The following ALKAL2 variants were observed in gnomAD, a reference collection of about 807,000 sequenced individuals.
ALKAL2 encodes ALK and LTK ligand 2, also known as AUG-alpha.
A neutral mutation model predicts 18.5 loss-of-function variants in ALKAL2; 8 were observed. That is an observed-to-expected ratio of 0.43 (90% CI 0.25 to 0.78). ALKAL2 has a LOEUF of 0.78. Ranked by LOEUF, ALKAL2 falls within the 30% of genes least tolerant of loss-of-function variation. The pLI is 0.22. For synonymous variants in ALKAL2, 135 were observed against 95.8 expected (o/e 1.41, Z -2.39); for missense variants, 241 against 211.2 (o/e 1.14, Z -0.88).
chr2:280,608 C>A (rs964633956), intron 5 of ALKAL2, among the ~76,000 whole-genome samples: 2 of 152,154 alleles, frequency 1.3e-5, no homozygotes, highest in African/African-American at 4.8e-5. Context: ...TGATAAACTT[C>A]AAGGTTACTA....
chr2:287,767 C>T lies in ALKAL2; in HGVS notation c.69G>A (p.Arg23=), dbSNP rs1558270665. The change falls in exon 2 of 6, where the codon CGG becomes CGA. Residue 23 remains arginine, a synonymous_variant. Coordinates refer to ENST00000403610, the MANE Select transcript of ALKAL2 (RefSeq NM_001002919.3). ...CCGGCTCCCGGGGCTCCGCGCCCCC[C>T]CGGCCGCGCCCCGCCGCCCCCAGCA... ...LLVLGAAGRG[R]GGAEPREPAD... 7.0e-7 allele frequency: 1 copy of T among 1,423,664 alleles called. No individual in the cohort carries two copies. Among genetic ancestry groups the T allele is most frequent in the Non-Finnish European group, 9.1e-7 (1 of 1,093,966 alleles). The allele number at this position is 1,423,664 out of a possible 1,614,324, so 88.2% of individuals were successfully genotyped here. A position where few individuals can be genotyped will look rare whatever the true frequency, so the allele number is the denominator to read the frequency against.
chr2:282,174 T>C (rs1175292041), intron 5 of ALKAL2, among the ~76,000 whole-genome samples: 3 of 152,214 alleles, frequency 2.0e-5, no homozygotes, highest in Non-Finnish European at 4.4e-5. Flanking sequence ...GTTGGGGTCA[T>C]GCACACAACC....
At chr2:283,310 A>C in intron 4 of ALKAL2, 135 bp from the exon 5 acceptor site, 2 of 1,450,358 alleles carry the variant, frequency 1.4e-6, no homozygotes, top group Non-Finnish European at 1.8e-6. Context: ...TACGGAGTCT[A>C]ATCTGCAGGC....
rs1423644716 is a variant in ALKAL2 at position 287,744 on chromosome 2, G to C, written c.92C>G (p.Pro31Arg). ...CCGCAGCAGCGCCTGTCCGTCCGCC[G>C]GCTCCCGGGGCTCCGCGCCCCCCCG... ...RGRGGAEPREPADGQALLRLV... is the reference protein window; with the variant it reads ...RGRGGAEPRERADGQALLRLV... The change falls in exon 2 of 6, where the codon CCG (proline) becomes CGG (arginine). Residue 31 changes from proline (P) to arginine (R), a missense_variant. By Grantham distance (103) the Pro-to-Arg change is moderately radical. Transcript: ENST00000403610. 39 of 1,450,278 alleles carry C rather than the reference G, an allele frequency of 2.7e-5. No homozygotes were observed. Among genetic ancestry groups the C allele is most frequent in the Non-Finnish European group, 3.4e-5 (38 of 1,105,448 alleles). The allele number at this position is 1,450,278 out of a possible 1,614,324, so 89.8% of individuals were successfully genotyped here.
chr2:287,496 A>T, intron 2 of ALKAL2, 87 bp downstream of exon 2: 1 of 911,568 alleles, frequency 1.1e-6, no homozygotes, highest in Non-Finnish European at 1.5e-6. Context: ...AGTGGTCAAA[A>T]TTGATGTCTC....
At chr2:286,464 A>G (rs1670511962) in intron 2 of ALKAL2, 121 bp from the exon 3 acceptor site, 6 of 690,148 alleles carry the variant, frequency 8.7e-6, no homozygotes, top group South Asian at 3.9e-5. Context: ...TGCACAAAAT[A>G]AAAAAGACTG....
intron 4 of ALKAL2, among the ~76,000 whole-genome samples, chr2:283,845 T>C (rs1034513926): frequency 2.6e-5 from 4 of 152,202 alleles, no homozygotes; most frequent in Non-Finnish European, 5.9e-5. Context: ...TTACAGTTTA[T>C]TTCTCAATAA....
rs908760692 is a variant in ALKAL2, at chr2:287,663, C to G, written c.173G>C (p.Gly58Ala). The G allele has an allele frequency of 2.0e-5, 29 of 1,484,648 alleles. No homozygotes were observed. The highest frequency in any genetic ancestry group is 2.5e-5 in the Non-Finnish European group (28 of 1,123,994). The allele number at this position is 1,484,648 out of a possible 1,614,324, so 92.0% of individuals were successfully genotyped here. The change falls in exon 2 of 6, where the codon GGC (glycine) becomes GCC (alanine). Residue 58 changes from glycine to alanine, a missense_variant. Gly to Ala is a moderately conservative substitution (Grantham distance 60). Transcript: ENST00000403610. ...LRKHHSAEHK[G>A]LQLLGRDCAL... ...GCAGTCCCGCCCGAGGAGCTGCAGG[C>G]CCTTGTGCTCCGCCGAGTGGTGCTT... is the stretch of plus-strand genomic sequence containing the variant.
intron 4 of ALKAL2, among the ~76,000 whole-genome samples, chr2:285,226 A>G (rs1191765784): frequency 3.3e-5 from 5 of 152,234 alleles, no homozygotes; most frequent in African/African-American, 4.8e-5. Flanking sequence ...AATGATGGTT[A>G]TTATTATTTG....
intron 2 of ALKAL2, chr2:287,035 A>G (rs1670533416): frequency 6.6e-6 from 1 of 152,266 alleles, no homozygotes; most frequent in African/African-American, 2.4e-5. Context: ...TCCCCCGTTC[A>G]GGGCTCCTGG....
At chr2:280,413 A>G (rs1670303833) in intron 5 of ALKAL2, among the ~76,000 whole-genome samples, 1 of 152,240 alleles carries the variant, frequency 6.6e-6, no homozygotes, top group Non-Finnish European at 1.5e-5. Flanking sequence ...TACAGCTTGA[A>G]GAGTGCTTAG....
rs1352184620 is a variant in ALKAL2 at position 287,891 on chromosome 2, C to T, written c.-56G>A. On this transcript the variant is annotated splice_region_variant and 5_prime_UTR_variant, in exon 2 of 6. Transcript: ENST00000403610. ...TCCGACACGCGCCGAGAGCTGGGCT[C>T]GCTGCGAGAGAAGGGGCGCGGGGGG... 3.2e-6 allele frequency: 4 copies of T among 1,242,200 alleles called. No individual in the cohort carries two copies. Among genetic ancestry groups the T allele is most frequent in the African/African-American group, 1.6e-5 (1 of 63,710 alleles). 76.9% of individuals were successfully genotyped at this position (1,242,200 alleles called of 1,614,324 possible).
chr2:280,030 G>A lies in ALKAL2; in HGVS notation c.*117C>T, dbSNP rs1047901633. ...ACTCAAAGGACTTATGGAAGAGTCT[G>A]TCTGCAAAAATAAATCTCTTGTCCA... On this transcript the variant is annotated 3_prime_UTR_variant, in exon 6 of 6. Coordinates refer to ENST00000403610, the MANE Select transcript of ALKAL2 (RefSeq NM_001002919.3). 2 of 1,163,330 alleles carry A rather than the reference G, an allele frequency of 1.7e-6. No individual in the cohort carries two copies. Among genetic ancestry groups the A allele is most frequent in the Non-Finnish European group, 2.6e-6 (2 of 772,802 alleles). 72.1% of individuals were successfully genotyped at this position (1,163,330 alleles called of 1,614,324 possible).
In ALKAL2 at chr2:286,124, T is replaced by G. The variant is rs1558269348; in HGVS notation, c.387A>C (p.Ala129=). ...TAAAAATCCAATGCTGTTACTTACA[T>G]GCAGGAATGGTGCAGTCTCTGGTGT... ...YHNTRDCTIP[A]YYKRCARLLT... is the part of the protein sequence containing the mutation. Residue 129 remains alanine (A), a splice_region_variant and synonymous_variant, in exon 4 of 6, where the codon GCA becomes GCC. Coordinates refer to ENST00000403610, the MANE Select transcript of ALKAL2 (RefSeq NM_001002919.3). The G allele has an allele frequency of 1.9e-6, 3 of 1,612,714 alleles. No homozygotes were observed. Among genetic ancestry groups the G allele is most frequent in the African/African-American group, 2.7e-5 (2 of 74,892 alleles).
At chr2:280,760 G>A (rs1172929386) in intron 5 of ALKAL2, among the ~76,000 whole-genome samples, 1 of 152,144 alleles carries the variant, frequency 6.6e-6, no homozygotes, top group Non-Finnish European at 1.5e-5. Flanking sequence ...GTTAGGGAGG[G>A]TTGGTGGGGA....
Position 287,626 on chromosome 2 carries a change from G to T in ALKAL2, c.210C>A (p.Arg70=). Residue 70 remains arginine (R), a synonymous_variant, in exon 2 of 6, where the codon CGC becomes CGA. Coordinates refer to ENST00000403610, the MANE Select transcript of ALKAL2 (RefSeq NM_001002919.3). ...QLLGRDCALG[R]AEAAGLGPSP... ...AAGGCCCCAGCCCCGCCGCCTCCGCGCGGCCCAGGGCGCAGTCCCGCCCGA... is the reference window on the plus strand; with the variant it reads ...AAGGCCCCAGCCCCGCCGCCTCCGCTCGGCCCAGGGCGCAGTCCCGCCCGA... 6.8e-7 allele frequency: 1 copy of T among 1,476,910 alleles called. No homozygotes were observed. Among genetic ancestry groups the T allele is most frequent in the Admixed American group, 2.4e-5 (1 of 42,240 alleles). The allele number at this position is 1,476,910 out of a possible 1,614,324, so 91.5% of individuals were successfully genotyped here.
At position 280,022 on chromosome 2, in the gene ALKAL2, AAG is replaced by A. The variant is rs1670284691; in HGVS notation, c.*123_*124del. ...CATACAAAACTCAAAGGACTTATGG[AAG>A]AGTCTGTCTGCAAAAATAAATCTCT... is the stretch of plus-strand genomic sequence containing the variant. On this transcript the variant is annotated 3_prime_UTR_variant, in exon 6 of 6. Transcript: ENST00000403610. 5.1e-5 allele frequency: 54 copies of A among 1,060,336 alleles called. No individual in the cohort carries two copies. The South Asian group carries it at 6.7e-4, about 13-fold the overall frequency. The allele number at this position is 1,060,336 out of a possible 1,614,324, so 65.7% of individuals were successfully genotyped here.
chr2:288,073 C>A lies in ALKAL2; in HGVS notation c.-118G>T. 2.5e-6 allele frequency: 3 copies of A among 1,197,726 alleles called. No individual in the cohort carries two copies. 74.2% of individuals were successfully genotyped at this position (1,197,726 alleles called of 1,614,324 possible). The stretch of plus-strand genomic sequence containing the variant: ...GGAGCCGCGGTCTCCTCGACGATCA[C>A]GCCCGAGGTCCCGCCCACGGGGAGC... On this transcript the variant is annotated 5_prime_UTR_variant, in exon 1 of 6. Transcript: ENST00000403610.
At chr2:282,968 A>T in intron 5 of ALKAL2, 143 bp downstream of exon 5, 1 of 881,782 alleles carries the variant, frequency 1.1e-6, no homozygotes, top group Non-Finnish European at 1.7e-6. Context: ...CAGCACTGTG[A>T]GATGAGTGTT....
Sources: gnomAD v4.1 joint callset for allele counts (sites outside exome capture counted in the v4.1 genomes callset) on GRCh38, gnomAD v4.1.1 for gene constraint, MANE v1.5 for transcripts, NCBI Gene and HGNC (gene_info 2026-07-23, HGNC 2026-07-21) for gene names.